SEC16B: variants seen among roughly 807,000 people sequenced by gnomAD.
The protein encoded by SEC16B is SEC16 homolog B, endoplasmic reticulum export factor.
A neutral mutation model predicts 141.8 loss-of-function variants in SEC16B; 115 were observed. That is an observed-to-expected ratio of 0.81 (90% confidence interval 0.70 to 0.95). The LOEUF (loss-of-function observed/expected upper bound fraction) is 0.95, where lower values mean the gene tolerates loss of function less well. Ranked by LOEUF, SEC16B falls within the 40% of genes least tolerant of loss-of-function variation. The probability of loss-of-function intolerance (pLI) is 0.00; values close to 1 mark genes in which losing one functional copy is unlikely to be tolerated. For synonymous variants in SEC16B, 493 were observed against 492.5 expected (o/e 1.00, Z -0.01); for missense variants, 1,291 against 1,312.3 (o/e 0.98, Z 0.25).
intron 2 of SEC16B, 52 bp downstream of exon 2, chr1:177,967,631 T>C (rs1653639484): frequency 6.9e-7 from 1 of 1,457,784 alleles, no homozygotes; most frequent in Non-Finnish European, 9.2e-7. Context: ...AAGAACAACC[T>C]ATTCATACGC....
chr1:177,944,423 TC>T, intron 15 of SEC16B, 137 bp downstream of exon 15: 1 of 678,330 alleles, frequency 1.5e-6, no homozygotes, highest in Non-Finnish European at 2.6e-6. Flanking sequence ...TCCTACACCC[TC>T]CCACGCTTAA....
rs143232266 is a variant in SEC16B at position 177,947,388 on chromosome 1, G to T, written c.1663+437C>A. On this transcript the variant is annotated intron_variant, in intron 13 of 25. Coordinates refer to ENST00000308284, the MANE Select transcript of SEC16B (RefSeq NM_033127.4). ...GAACTGGGTCACTGAGAAATTTACA[G>T]CAACAGGAGGCAAGGTGTCCTATGC... 2.7e-3 allele frequency among the ~76,000 whole-genome samples: 410 copies of T among 152,214 alleles called. 6 individuals are homozygous for T. Among genetic ancestry groups the T allele is most frequent in the African/African-American group, 9.3e-3 (388 of 41,554 alleles).
intron 21 of SEC16B, 28 bp from the exon 22 acceptor site, chr1:177,933,340 C>T (rs761601635): frequency 1.3e-6 from 2 of 1,576,158 alleles, no homozygotes; most frequent in East Asian, 4.7e-5. Context: ...CATTTTATGA[C>T]CTGCAGGTTG....
At chr1:177,964,114 C>A in intron 5 of SEC16B, 57 bp downstream of exon 5, 1 of 1,278,476 alleles carries the variant, frequency 7.8e-7, no homozygotes, top group Non-Finnish European at 1.1e-6. Flanking sequence ...CCACTGCTGA[C>A]AGTGTCAGCT....
chr1:177,944,537 G>C, intron 15 of SEC16B, 24 bp downstream of exon 15: 1 of 1,580,520 alleles, frequency 6.3e-7, no homozygotes, highest in Non-Finnish European at 8.7e-7. Flanking sequence ...AGTGACGGTG[G>C]TGGCCTCATC....
chr1:177,952,134 T>C (rs1652242500), intron 11 of SEC16B, 139 bp from the exon 12 acceptor site: 1 of 708,554 alleles, frequency 1.4e-6, no homozygotes, highest in African/African-American at 1.8e-5. Flanking sequence ...TGCTTTCTGC[T>C]GTGCCTCTGT....
At chr1:177,966,096 A>C (rs1447549879) in intron 2 of SEC16B, 91 bp from the exon 3 acceptor site, 1 of 732,874 alleles carries the variant, frequency 1.4e-6, no homozygotes, top group African/African-American at 1.8e-5. Context: ...ACAGGTTCAG[A>C]GGACAGAGTT....
intron 16 of SEC16B, among the ~76,000 whole-genome samples, chr1:177,941,572 G>T (rs1041832874): frequency 6.6e-6 from 1 of 151,996 alleles, no homozygotes; most frequent in Non-Finnish European, 1.5e-5. Context: ...TATTTTCTAA[G>T]CCCAGCTTTT....
chr1:177,956,647 T>A lies in SEC16B; in HGVS notation c.1365+1485A>T, dbSNP rs1652623909. Among the ~76,000 whole-genome samples the A allele has an allele frequency of 2.0e-5, 3 of 152,146 alleles. No individual in the cohort carries two copies. The South Asian group carries it at 6.2e-4, about 31-fold the overall frequency. ...AATTTTGTAAAGCATAATCTCAACT[T>A]CAAAATTAAGCTAGAAATCAATCTT... On this transcript the variant is annotated intron_variant, in intron 10 of 25. Coordinates refer to ENST00000308284, the MANE Select transcript of SEC16B (RefSeq NM_033127.4).
intron 11 of SEC16B, 109 bp from the exon 12 acceptor site, chr1:177,952,104 T>G (rs1652239064): frequency 1.1e-6 from 1 of 890,904 alleles, no homozygotes. Flanking sequence ...GCAGCTTCCT[T>G]AGGAACATGA....
At chr1:177,961,784 C>T (rs1396757139) in intron 5 of SEC16B, 50 bp from the exon 6 acceptor site, 1 of 1,572,130 alleles carries the variant, frequency 6.4e-7, no homozygotes, top group Non-Finnish European at 8.7e-7. Flanking sequence ...GAGAGCTGGT[C>T]TTCTCAAGCG....
chr1:177,953,381 T>A (rs192464048), intron 11 of SEC16B, among the ~76,000 whole-genome samples: 88 of 152,316 alleles, frequency 5.8e-4, no homozygotes, highest in African/African-American at 1.9e-3. Flanking sequence ...GCTGAGAGGA[T>A]AGCTTCACAG....
At chr1:177,935,771 C>T (rs958935451) in intron 20 of SEC16B, among the ~76,000 whole-genome samples, 4 of 152,020 alleles carry the variant, frequency 2.6e-5, no homozygotes, top group African/African-American at 4.8e-5. Context: ...AGCTGAAGAA[C>T]GCCTCAGGTT....
intron 1 of SEC16B, among the ~76,000 whole-genome samples, chr1:177,981,359 C>T (rs1050372832): frequency 6.6e-6 from 1 of 152,016 alleles, no homozygotes; most frequent in Non-Finnish European, 1.5e-5. Flanking sequence ...ATTAACTCAG[C>T]AGTCAGCACA....
Position 177,933,614 on chromosome 1 carries a change from C to G in SEC16B, c.2594G>C (p.Arg865Pro), listed in dbSNP as rs543330759. The G allele has an allele frequency of 6.2e-7, 1 of 1,613,892 alleles. No individual in the cohort carries two copies. Among genetic ancestry groups the G allele is most frequent in the Non-Finnish European group, 8.5e-7 (1 of 1,179,842 alleles). ...ACTGGCGGAACTCTCAGAAATACTT[C>G]GTGGTCTAGCAGCCAATGGTGTCTG... ...KPQTPLAARPRSISESSASSA... is the reference protein window; with the variant it reads ...KPQTPLAARPPSISESSASSA... The change falls in exon 21 of 26, where the codon CGA (arginine) becomes CCA (proline). Residue 865 changes from arginine (R) to proline (P), a missense_variant. This residue lies in a region of SEC16B where 605 missense variants were observed against 614.1 expected (regional missense o/e 0.99). Coordinates refer to ENST00000308284, the MANE Select transcript of SEC16B (RefSeq NM_033127.4).
intron 5 of SEC16B, 85 bp downstream of exon 5, chr1:177,964,086 C>T: frequency 1.1e-6 from 1 of 942,392 alleles, no homozygotes; most frequent in Non-Finnish European, 1.6e-6. Flanking sequence ...GACATCCATC[C>T]CCAAGGGCCC....
intron 11 of SEC16B, 78 bp from the exon 12 acceptor site, chr1:177,952,073 G>C (rs1338747023): frequency 8.1e-7 from 1 of 1,234,532 alleles, no homozygotes; most frequent in Non-Finnish European, 1.2e-6. Context: ...TCAGGGCCTT[G>C]CATAATTCTA....
chr1:177,963,352 C>T (rs1425691471), intron 5 of SEC16B, among the ~76,000 whole-genome samples: 1 of 151,892 alleles, frequency 6.6e-6, no homozygotes, highest in Non-Finnish European at 1.5e-5. Flanking sequence ...GGCCTGTAAT[C>T]CCAGCACTTT....
chr1:177,933,298 G>C lies in SEC16B; in HGVS notation c.2739C>G (p.Gly913=). The C allele has an allele frequency of 6.2e-7, 1 of 1,600,850 alleles. No individual in the cohort carries two copies. The highest frequency in any genetic ancestry group is 8.5e-7 in the Non-Finnish European group (1 of 1,173,548). Residue 913 remains glycine, a synonymous_variant, in exon 22 of 26, where the codon GGC becomes GGG. Transcript: ENST00000308284. ...GKEHTKSSGF[G]WFSWFRSKPT... is the part of the protein sequence containing the mutation. ...GCTTCGATCGAAACCAGCTGAACCA[G>C]CCAAACCCTGAGCTCTGGAAGGGGA...
Sources: gnomAD v4.1 joint callset for allele counts (sites outside exome capture counted in the v4.1 genomes callset) on GRCh38, gnomAD v4.1.1 for gene constraint, gnomAD v4.1.1 regional missense constraint, MANE v1.5 for transcripts, NCBI Gene and HGNC (gene_info 2026-07-23, HGNC 2026-07-21) for gene names.